Variants in FRMD6 observed in about 807,000 individuals in gnomAD.
FRMD6 encodes FERM domain-containing protein 6.
In FRMD6, 37 loss-of-function variants were observed where a neutral mutation model predicts 73.2. The ratio of observed to expected loss-of-function variants is 0.51; its 90% CI spans 0.39 to 0.66. The LOEUF is 0.66. Among genes scored for constraint, FRMD6 ranks in the 30% least tolerant of loss-of-function variants. The pLI, the probability that FRMD6 is intolerant of heterozygous loss-of-function variation, is 0.00. For synonymous variants in FRMD6, 273 were observed against 282.2 expected, an observed-to-expected ratio of 0.97 and a Z score of 0.33; for missense variants, 714 against 780.5, an observed-to-expected ratio of 0.91 and a Z score of 1.02.
chr14:51,408,035 C>G, the FRMD6 span, among the ~76,000 whole-genome samples: 2 of 151,996 alleles, frequency 1.3e-5, no homozygotes, highest in African/African-American at 4.8e-5. Flanking sequence ...CTTTAGTGTT[C>G]TGGAATTTGA....
At chr14:51,700,332 C>T (rs778752710) in intron 3 of FRMD6, among the ~76,000 whole-genome samples, 5 of 152,028 alleles carry the variant, frequency 3.3e-5, no homozygotes, top group Admixed American at 6.6e-5. Context: ...CTTCTTTTCA[C>T]GTGTTTAGAT....
intron 10 of FRMD6, among the ~76,000 whole-genome samples, chr14:51,716,888 G>A (rs1015266152): frequency 8.5e-5 from 13 of 152,188 alleles, no homozygotes; most frequent in Admixed American, 2.6e-4. Context: ...ACATAATTAC[G>A]TGCAGAGCCC....
At chr14:51,441,160 G>A in the FRMD6 span, among the ~76,000 whole-genome samples, 29 of 152,226 alleles carry the variant, frequency 1.9e-4, no homozygotes, top group Non-Finnish European at 3.8e-4. Context: ...TGCTCCTTCT[G>A]CAGCCAGAGG....
intron 1 of FRMD6, among the ~76,000 whole-genome samples, chr14:51,659,082 T>C (rs1893034693): frequency 6.6e-6 from 1 of 152,086 alleles, no homozygotes; most frequent in African/African-American, 2.4e-5. Context: ...AGAAGAGGGA[T>C]AGTAAAATAT....
chr14:51,422,255 C>G, the FRMD6 span, among the ~76,000 whole-genome samples: 1 of 152,182 alleles, frequency 6.6e-6, no homozygotes, highest in Non-Finnish European at 1.5e-5. Flanking sequence ...TTCCCCCTTA[C>G]TTACCATTAT....
chr14:51,618,927 ATATAT>A (rs1375389589), intron 2 of FRMD6, among the ~76,000 whole-genome samples: 1 of 149,272 alleles, frequency 6.7e-6, no homozygotes, highest in Non-Finnish European at 1.5e-5. Context: ...ATATAATTAC[ATATAT>A]TATATATGTA....
chr14:51,426,534 T>C, the FRMD6 span, among the ~76,000 whole-genome samples: 3 of 152,236 alleles, frequency 2.0e-5, no homozygotes, highest in African/African-American at 7.2e-5. Context: ...GAGAAGACTA[T>C]ATGTATTTTT....
the FRMD6 span, among the ~76,000 whole-genome samples, chr14:51,468,255 C>T: frequency 7.8e-6 from 1 of 128,778 alleles, no homozygotes; most frequent in Non-Finnish European, 1.6e-5. Context: ...AGTCCAGCCT[C>T]GGCTCGGCAT....
At chr14:51,633,365 G>C (rs958522553) in intron 2 of FRMD6, among the ~76,000 whole-genome samples, 1 of 151,026 alleles carries the variant, frequency 6.6e-6, no homozygotes, top group South Asian at 2.1e-4. Context: ...ACTTTGGGAG[G>C]CCCAGGTGGG....
chr14:51,636,862 C>T (rs1310311230), intron 2 of FRMD6, among the ~76,000 whole-genome samples: 2 of 152,118 alleles, frequency 1.3e-5, no homozygotes, highest in African/African-American at 4.8e-5. Context: ...AAGGGTGAGG[C>T]CACTGTAGAG....
the FRMD6 span, chr14:51,436,801 A>G: frequency 1.8e-6 from 1 of 542,448 alleles, no homozygotes; most frequent in Non-Finnish European, 3.3e-6. Context: ...AAGGAGAAGG[A>G]GAAGATGATG....
chr14:51,726,760 A>G (rs748189526), intron 13 of FRMD6, among the ~76,000 whole-genome samples: 1 of 152,102 alleles, frequency 6.6e-6, no homozygotes, highest in African/African-American at 2.4e-5. Flanking sequence ...AAATGATTCT[A>G]TGTGTGAAAT....
chr14:51,595,146 A>G (rs1297666175), intron 2 of FRMD6, among the ~76,000 whole-genome samples: 1 of 152,172 alleles, frequency 6.6e-6, no homozygotes, highest in Non-Finnish European at 1.5e-5. Context: ...GAATAGGTGG[A>G]CTAAGTAGAT....
chr14:51,702,714 G>T, intron 5 of FRMD6, 126 bp downstream of exon 5: 2 of 712,834 alleles, frequency 2.8e-6, no homozygotes, highest in Non-Finnish European at 4.6e-6. Context: ...TGTAGGAGCA[G>T]CAATTTTTTT....
intron 1 of FRMD6, among the ~76,000 whole-genome samples, chr14:51,533,440 C>T (rs1347467994): frequency 6.6e-6 from 1 of 152,164 alleles, no homozygotes. Flanking sequence ...TTTCCTGAGG[C>T]TATTAGCTCA....
At chr14:51,694,342 C>G (rs187151603) in intron 2 of FRMD6, among the ~76,000 whole-genome samples, 4 of 152,216 alleles carry the variant, frequency 2.6e-5, no homozygotes, top group African/African-American at 9.6e-5. Context: ...TTTAAACATT[C>G]CTGCACAATA....
the FRMD6 span, among the ~76,000 whole-genome samples, chr14:51,477,917 C>T: frequency 1.1e-4 from 16 of 151,830 alleles, no homozygotes; most frequent in Non-Finnish European, 1.9e-4. Flanking sequence ...TTTGTATTTT[C>T]AATAGAGACA....
At chr14:51,537,993 G>C (rs1885990814) in intron 1 of FRMD6, among the ~76,000 whole-genome samples, 1 of 152,148 alleles carries the variant, frequency 6.6e-6, no homozygotes, top group Admixed American at 6.6e-5. Flanking sequence ...TCACAGAGCA[G>C]AAGTTTTAAT....
the FRMD6 span, among the ~76,000 whole-genome samples, chr14:51,469,361 C>A: frequency 2.7e-5 from 4 of 150,336 alleles, no homozygotes; most frequent in African/African-American, 9.8e-5. Context: ...CGCCTGTAAT[C>A]CCAGCACTTT....
Sources: gnomAD v4.1 joint callset for allele counts (sites outside exome capture counted in the v4.1 genomes callset) on GRCh38, gnomAD v4.1.1 for gene constraint, MANE v1.5 for transcripts, NCBI Gene and HGNC (gene_info 2026-07-23, HGNC 2026-07-21) for gene names.